The following FGF7 variants were observed in gnomAD, a reference collection of about 807,000 sequenced individuals.
FGF7 encodes fibroblast growth factor 7.
A neutral mutation model predicts 20.5 loss-of-function variants in FGF7; 6 were observed. The observed-to-expected ratio is 0.29, with a 90% CI of 0.16 to 0.58. FGF7 has a LOEUF of 0.58. Among genes scored for constraint, FGF7 ranks in the 20% least tolerant of loss-of-function variants. The pLI is 0.90. For synonymous variants in FGF7, 64 were observed against 74.7 expected (o/e 0.86, Z 0.74); for missense variants, 144 against 228.8 (o/e 0.63, Z 2.39).
Position 49,455,466 on chromosome 15 carries a change from C to T in FGF7, c.287-27685C>T, listed in dbSNP as rs558158694. On this transcript the variant is annotated intron_variant, in intron 2 of 3. Coordinates refer to ENST00000267843, the MANE Select transcript of FGF7 (RefSeq NM_002009.4). ...CTTAAGTAATAAAATTGTAGTAAGG[C>T]AATGTTAAAAATAATGGGCATGATA... 9.0e-4 allele frequency among the ~76,000 whole-genome samples: 137 copies of T among 152,144 alleles called. 5 individuals carry two copies. The South Asian group carries it at 0.027, about 30-fold the overall frequency.
At chr15:49,469,927 A>G (rs2054585906) in intron 2 of FGF7, among the ~76,000 whole-genome samples, 1 of 152,170 alleles carries the variant, frequency 6.6e-6, no homozygotes, top group Non-Finnish European at 1.5e-5. Context: ...TCCACATCAA[A>G]CCAAAGAATT....
chr15:49,428,914 A>T (rs2050356762), intron 2 of FGF7, among the ~76,000 whole-genome samples: 1 of 152,030 alleles, frequency 6.6e-6, no homozygotes, highest in South Asian at 2.1e-4. Context: ...ACAATTGGCA[A>T]AAGGCAAATA....
At chr15:49,465,142 T>C (rs1423261767) in intron 2 of FGF7, among the ~76,000 whole-genome samples, 1 of 152,082 alleles carries the variant, frequency 6.6e-6, no homozygotes, top group Admixed American at 6.6e-5. Flanking sequence ...TTTTATTTTA[T>C]TTTTTGAGAT....
intron 2 of FGF7, among the ~76,000 whole-genome samples, chr15:49,460,248 A>C (rs2053671975): frequency 6.6e-6 from 1 of 152,202 alleles, no homozygotes; most frequent in African/African-American, 2.4e-5. Context: ...GTGCCCCTAG[A>C]AGTAGGTAAG....
chr15:49,463,545 C>T (rs2053991103), intron 2 of FGF7, among the ~76,000 whole-genome samples: 1 of 127,512 alleles, frequency 7.8e-6, no homozygotes, highest in African/African-American at 3.3e-5. Flanking sequence ...AGTGAGATTC[C>T]GTCTCAAAAA....
chr15:49,465,182 T>C (rs1220240846), intron 2 of FGF7, among the ~76,000 whole-genome samples: 1 of 152,096 alleles, frequency 6.6e-6, no homozygotes, highest in Non-Finnish European at 1.5e-5. Context: ...CAGGCTAGAG[T>C]GCAGTAACAC....
chr15:49,439,604 A>G (rs1567277809), intron 2 of FGF7, among the ~76,000 whole-genome samples: 1 of 151,776 alleles, frequency 6.6e-6, no homozygotes, highest in Non-Finnish European at 1.5e-5. Flanking sequence ...AGAGAAACAG[A>G]GCAATAAGTT....
chr15:49,486,723 T>C lies in FGF7; in HGVS notation c.*2219T>C, dbSNP rs2056430396. ...ATTAGGCAAAACCAACATTTAGTGG[T>C]AAATCCATTCCTGGTAGTATAAGTC... On this transcript the variant is annotated 3_prime_UTR_variant, in exon 4 of 4. Coordinates refer to ENST00000267843, the MANE Select transcript of FGF7 (RefSeq NM_002009.4). 1 of 152,000 alleles carries C rather than the reference T, an allele frequency of 6.6e-6. No homozygotes were observed. Among genetic ancestry groups the C allele is most frequent in the Non-Finnish European group, 1.5e-5 (1 of 67,912 alleles). The allele number at this position is 152,000 out of a possible 1,614,324, so 9.4% of individuals were successfully genotyped here. A position where few individuals can be genotyped will look rare whatever the true frequency, so the allele number is the denominator to read the frequency against.
chr15:49,437,397 A>T (rs1038158705), intron 2 of FGF7, among the ~76,000 whole-genome samples: 3 of 151,638 alleles, frequency 2.0e-5, no homozygotes, highest in African/African-American at 2.4e-5. Context: ...TCTTTTGTCC[A>T]TGTCCTTAGT....
At chr15:49,472,295 C>G (rs976534137) in intron 2 of FGF7, among the ~76,000 whole-genome samples, 2 of 152,190 alleles carry the variant, frequency 1.3e-5, no homozygotes, top group African/African-American at 2.4e-5. Flanking sequence ...GTTTCCAAGT[C>G]CATTTAGCTC....
intron 2 of FGF7, among the ~76,000 whole-genome samples, chr15:49,468,752 A>G (rs2054481237): frequency 6.6e-6 from 1 of 152,202 alleles, no homozygotes; most frequent in Non-Finnish European, 1.5e-5. Context: ...CATTCCCTCC[A>G]GGCAGCAAAG....
At chr15:49,429,595 G>A (rs1442710411) in intron 2 of FGF7, among the ~76,000 whole-genome samples, 1 of 151,862 alleles carries the variant, frequency 6.6e-6, no homozygotes, top group Non-Finnish European at 1.5e-5. Flanking sequence ...TAGATATATT[G>A]AAAGGGTTGC....
At chr15:49,469,820 T>G (rs950579164) in intron 2 of FGF7, among the ~76,000 whole-genome samples, 2 of 152,144 alleles carry the variant, frequency 1.3e-5, no homozygotes, top group African/African-American at 2.4e-5. Context: ...TGAAACATAT[T>G]GTCATTATCT....
intron 2 of FGF7, among the ~76,000 whole-genome samples, chr15:49,432,582 A>AGGAT (rs2092728626): frequency 6.6e-6 from 1 of 151,696 alleles, no homozygotes; most frequent in Non-Finnish European, 1.5e-5. Flanking sequence ...CTATTGTCTA[A>AGGAT]GGATCTATCT....
intron 2 of FGF7, among the ~76,000 whole-genome samples, chr15:49,459,790 C>A (rs1055201595): frequency 6.6e-6 from 1 of 152,072 alleles, no homozygotes; most frequent in Non-Finnish European, 1.5e-5. Context: ...ATGGCTCATC[C>A]CGGCTCCTGT....
intron 2 of FGF7, among the ~76,000 whole-genome samples, chr15:49,478,749 T>C (rs2055605632): frequency 6.6e-6 from 1 of 152,138 alleles, no homozygotes; most frequent in Non-Finnish European, 1.5e-5. Context: ...AATATAAAGC[T>C]TTAAATGTTT....
chr15:49,424,303 C>T lies in FGF7; in HGVS notation c.6C>T (p.His2=). 3 of 1,613,088 alleles carry T rather than the reference C, an allele frequency of 1.9e-6. No homozygotes were observed. The highest frequency in any genetic ancestry group is 2.5e-6 in the Non-Finnish European group (3 of 1,179,318). The change falls in exon 2 of 4, where the codon CAC becomes CAT. Residue 2 remains histidine, a synonymous_variant. Transcript: ENST00000267843. ...ACCCGGAGCACTACACTATAATGCA[C>T]AAATGGATACTGACATGGATCCTGC... M[H]KWILTWILPT...
chr15:49,452,804 C>T (rs1012841875), intron 2 of FGF7, among the ~76,000 whole-genome samples: 1 of 152,086 alleles, frequency 6.6e-6, no homozygotes, highest in African/African-American at 2.4e-5. Context: ...AATCACAGCA[C>T]AGGGTGCAGG....
intron 2 of FGF7, among the ~76,000 whole-genome samples, chr15:49,457,710 C>T (rs2053438017): frequency 6.6e-6 from 1 of 151,610 alleles, no homozygotes; most frequent in Non-Finnish European, 1.5e-5. Flanking sequence ...TCTATTACTT[C>T]AGTATTTAGA....
Sources: gnomAD v4.1 joint callset for allele counts (sites outside exome capture counted in the v4.1 genomes callset) on GRCh38, gnomAD v4.1.1 for gene constraint, MANE v1.5 for transcripts, NCBI Gene and HGNC (gene_info 2026-07-23, HGNC 2026-07-21) for gene names.